The following PPP1R12A variants were observed in gnomAD, a reference collection of about 807,000 sequenced individuals.
The protein encoded by PPP1R12A is protein phosphatase 1 regulatory subunit 12A, also known as myosin binding subunit.
In PPP1R12A, 19 loss-of-function variants were observed where a neutral mutation model predicts 139.6. The observed-to-expected ratio is 0.14, with a 90% confidence interval of 0.09 to 0.20. The LOEUF (loss-of-function observed/expected upper bound fraction) is 0.20. PPP1R12A is among the 10% of genes least tolerant of loss of function. The probability of loss-of-function intolerance (pLI) is 1.00; values close to 1 mark genes in which losing one functional copy is unlikely to be tolerated. For missense variants in PPP1R12A, 925 were observed against 1,211.5 expected (o/e 0.76, Z 3.51); for synonymous variants, 427 against 420.6 (o/e 1.02, Z -0.19).
chr12:79,920,356 A>G lies in PPP1R12A; in HGVS notation c.237+14339T>C, dbSNP rs1229127756. 2.0e-5 allele frequency among the ~76,000 whole-genome samples: 3 copies of G among 152,244 alleles called. No individual in the cohort carries two copies. The East Asian group carries it at 5.8e-4, about 29-fold the overall frequency. Reference sequence around the variant, plus strand: ...ACATTTCTGTGTGGACACATGTTCAATTCTCTTGAGTATACACCTAAGAGT... The same window carrying G: ...ACATTTCTGTGTGGACACATGTTCAGTTCTCTTGAGTATACACCTAAGAGT... On this transcript the variant is annotated intron_variant, in intron 1 of 24. Coordinates refer to ENST00000450142, the MANE Select transcript of PPP1R12A (RefSeq NM_002480.3).
intron 2 of PPP1R12A, among the ~76,000 whole-genome samples, chr12:79,850,158 G>C (rs184906497): frequency 6.6e-6 from 1 of 152,236 alleles, no homozygotes; most frequent in Admixed American, 6.5e-5. Flanking sequence ...TAATCTGACA[G>C]ATTTAATTGA....
chr12:79,782,932 A>G (rs936774604), intron 22 of PPP1R12A, among the ~76,000 whole-genome samples: 9 of 152,152 alleles, frequency 5.9e-5, no homozygotes, highest in African/African-American at 2.2e-4. Flanking sequence ...TTTTATGCCA[A>G]CCCTTTCAGT....
At chr12:79,926,308 C>T (rs979424686) in intron 1 of PPP1R12A, among the ~76,000 whole-genome samples, 32 of 152,198 alleles carry the variant, frequency 2.1e-4, no homozygotes, top group Non-Finnish European at 5.9e-5. Context: ...GCCTCAGCCT[C>T]CTGAGTAGCT....
At chr12:79,808,256 T>C (rs1874101769) in intron 11 of PPP1R12A, among the ~76,000 whole-genome samples, 1 of 152,124 alleles carries the variant, frequency 6.6e-6, no homozygotes, top group African/African-American at 2.4e-5. Flanking sequence ...CTCCTCCCAC[T>C]TTCCCCTTAC....
At chr12:79,798,648 C>A in intron 14 of PPP1R12A, 64 bp from the exon 15 acceptor site, 3 of 888,282 alleles carry the variant, frequency 3.4e-6, no homozygotes, top group Non-Finnish European at 5.1e-6. Flanking sequence ...AAATATCTAT[C>A]AATGCATATG....
chr12:79,903,211 G>A (rs768488115), intron 1 of PPP1R12A, among the ~76,000 whole-genome samples: 49 of 152,202 alleles, frequency 3.2e-4, no homozygotes, highest in South Asian at 1.2e-3. Flanking sequence ...CCAACATTTT[G>A]GGAGGCCGAG....
chr12:79,913,197 A>G (rs1886726487), intron 1 of PPP1R12A, among the ~76,000 whole-genome samples: 1 of 152,250 alleles, frequency 6.6e-6, no homozygotes, highest in South Asian at 2.1e-4. Flanking sequence ...ACATGTGCAC[A>G]CGCATATGCA....
intron 1 of PPP1R12A, among the ~76,000 whole-genome samples, chr12:79,895,323 GA>G (rs201789491): frequency 1.6e-4 from 24 of 148,774 alleles, no homozygotes; most frequent in Admixed American, 1.3e-3. Context: ...AGGGTTCCTG[GA>G]AAAAAAAACA....
At chr12:79,842,852 G>C (rs752256425) in intron 3 of PPP1R12A, among the ~76,000 whole-genome samples, 7 of 151,984 alleles carry the variant, frequency 4.6e-5, no homozygotes, top group Admixed American at 2.6e-4. Context: ...CTATTTTTAA[G>C]TGTACAGTTC....
intron 3 of PPP1R12A, among the ~76,000 whole-genome samples, chr12:79,839,329 C>T (rs1317783542): frequency 6.6e-6 from 1 of 152,144 alleles, no homozygotes; most frequent in East Asian, 1.9e-4. Flanking sequence ...GCAGAAGGGA[C>T]TTACCTTGCC....
intron 2 of PPP1R12A, among the ~76,000 whole-genome samples, chr12:79,863,192 C>T (rs1024053937): frequency 6.6e-6 from 1 of 152,212 alleles, no homozygotes; most frequent in Non-Finnish European, 1.5e-5. Flanking sequence ...AATTTTCAAC[C>T]CAGAATTTCA....
chr12:79,934,917 G>T lies in PPP1R12A; in HGVS notation c.15C>A (p.Asp5Glu). 6.3e-7 allele frequency: 1 copy of T among 1,598,454 alleles called. No homozygotes were observed. Among genetic ancestry groups the T allele is most frequent in the Non-Finnish European group, 8.5e-7 (1 of 1,172,318 alleles). The change falls in exon 1 of 25, where the codon GAC becomes GAA. Residue 5 changes from aspartate to glutamate, a missense_variant. By Grantham distance (45) the Asp-to-Glu change is conservative (BLOSUM62 2). Coordinates refer to ENST00000450142, the MANE Select transcript of PPP1R12A (RefSeq NM_002480.3). Reference protein sequence around the residue: MKMADAKQKRNEQLK... With the variant: MKMAEAKQKRNEQLK... Reference sequence around the variant, plus strand: ...GCTGCTCGTTCCGCTTCTGCTTCGCGTCCGCCATCTTCATCCCCTCTCCTG... The same window carrying T: ...GCTGCTCGTTCCGCTTCTGCTTCGCTTCCGCCATCTTCATCCCCTCTCCTG...
chr12:79,913,669 T>C (rs967990347), intron 1 of PPP1R12A: 1 of 152,186 alleles, frequency 6.6e-6, no homozygotes, highest in Non-Finnish European at 1.5e-5. Flanking sequence ...GTCTTTTTCA[T>C]CTTTATATCA....
Position 79,893,617 on chromosome 12 carries a change from G to A in PPP1R12A, c.238-20679C>T, listed in dbSNP as rs576095500. 3.3e-5 allele frequency among the ~76,000 whole-genome samples: 5 copies of A among 152,272 alleles called. No homozygotes were observed. The South Asian group carries it at 1.0e-3, about 32-fold the overall frequency. ...AATACTTTGTCACCTGTAAATCACTGTGATCAGAGAAATTTTTCTGTATCA... is the reference window on the plus strand; with the variant it reads ...AATACTTTGTCACCTGTAAATCACTATGATCAGAGAAATTTTTCTGTATCA... On this transcript the variant is annotated intron_variant, in intron 1 of 24. Transcript: ENST00000450142.
chr12:79,779,919 A>G (rs911334445), intron 23 of PPP1R12A: 2 of 154,130 alleles, frequency 1.3e-5, no homozygotes, highest in African/African-American at 4.8e-5. Flanking sequence ...AAAAAATATA[A>G]CTGGCCAGGC....
At chr12:79,882,133 G>T (rs1883694289) in intron 1 of PPP1R12A, among the ~76,000 whole-genome samples, 1 of 152,200 alleles carries the variant, frequency 6.6e-6, no homozygotes, top group Non-Finnish European at 1.5e-5. Flanking sequence ...CCATTCTGCA[G>T]CTCAAGGAGT....
chr12:79,795,886 T>C, intron 17 of PPP1R12A, 127 bp from the exon 18 acceptor site: 1 of 759,096 alleles, frequency 1.3e-6, no homozygotes, highest in Non-Finnish European at 2.0e-6. Context: ...AGGCAGCTGC[T>C]ACTACTTAGC....
rs77972424 is a variant in PPP1R12A, at chr12:79,789,542, A to G, written c.2667-759T>C. 7.8e-3 allele frequency: 3,193 copies of G among 407,504 alleles called. 35 individuals carry two copies. The highest frequency in any genetic ancestry group is 9.0e-3 in the Non-Finnish European group (1,871 of 208,600). 25.2% of individuals were successfully genotyped at this position (407,504 alleles called of 1,614,324 possible). Reference sequence around the variant, plus strand: ...TGGGTTTGTCCTAAGCAGGAAAAACATATCTTACTGGTAAAGGAGAATTCT... The same window carrying G: ...TGGGTTTGTCCTAAGCAGGAAAAACGTATCTTACTGGTAAAGGAGAATTCT... On this transcript the variant is annotated intron_variant, in intron 20 of 24. Coordinates refer to ENST00000450142, the MANE Select transcript of PPP1R12A (RefSeq NM_002480.3).
chr12:79,912,427 C>A (rs994104324), intron 1 of PPP1R12A, among the ~76,000 whole-genome samples: 2 of 152,094 alleles, frequency 1.3e-5, no homozygotes, highest in Non-Finnish European at 2.9e-5. Flanking sequence ...CATGGTGACT[C>A]ACACTGGTAA....
Sources: gnomAD v4.1 joint callset for allele counts (sites outside exome capture counted in the v4.1 genomes callset) on GRCh38, gnomAD v4.1.1 for gene constraint, MANE v1.5 for transcripts, NCBI Gene and HGNC (gene_info 2026-07-23, HGNC 2026-07-21) for gene names.